SUMF1: variants seen among roughly 807,000 people sequenced by gnomAD.
SUMF1 encodes the protein sulfatase modifying factor 1.
A neutral mutation model predicts 47.6 loss-of-function variants in SUMF1; 48 were observed. The ratio of observed to expected loss-of-function variants is 1.01; its 90% CI spans 0.80 to 1.28. The LOEUF is 1.28. SUMF1 is among the 50% of genes most tolerant of loss of function. The pLI, the probability that SUMF1 is intolerant of heterozygous loss-of-function variation, is 0.00. For missense variants in SUMF1, 571 were observed against 485.4 expected (o/e 1.18, Z -1.66); for synonymous variants, 230 against 192.1 (o/e 1.20, Z -1.63).
rs751147092 is a variant in SUMF1 at position 4,173,552 on chromosome 3, T to A, written c.1015-104807A>T. Among the ~76,000 whole-genome samples the A allele has an allele frequency of 2.5e-4, 38 of 152,218 alleles. 1 individual carries two copies. The highest frequency in any genetic ancestry group is 5.0e-4 in the Non-Finnish European group (34 of 68,034). The stretch of plus-strand genomic sequence containing the variant: ...GGGTATACACCCAAAGGGTTATAAA[T>A]CATTCTGCTATAAAGACATATGCAT... On this transcript the variant is annotated intron_variant and NMD_transcript_variant, in intron 8 of 12. Transcript: ENST00000448413.
Position 4,362,259 on chromosome 3 carries a change from G to A in SUMF1, c.1015-5C>T, listed in dbSNP as rs772322962. 6 of 1,613,164 alleles carry A rather than the reference G, an allele frequency of 3.7e-6. No individual in the cohort carries two copies. The Admixed American group carries it at 8.3e-5, about 22-fold the overall frequency. ...GCGATACCTGTAACAATAAGACTGTGTAGAGAGAAAGAGCAAGGTAAGTGC... is the reference window on the plus strand; with the variant it reads ...GCGATACCTGTAACAATAAGACTGTATAGAGAGAAAGAGCAAGGTAAGTGC... On this transcript the variant is annotated splice_region_variant and splice_polypyrimidine_tract_variant and intron_variant, in intron 8 of 8. Transcript: ENST00000272902.
intron 8 of SUMF1, among the ~76,000 whole-genome samples, chr3:4,346,799 A>G (rs189451772): frequency 6.6e-6 from 1 of 152,320 alleles, no homozygotes; most frequent in African/African-American, 2.4e-5. Context: ...GCTAATAAAG[A>G]AGAAGAGAGA....
At chr3:4,225,080 A>G (rs1574995662) in intron 8 of SUMF1, among the ~76,000 whole-genome samples, 1 of 151,714 alleles carries the variant, frequency 6.6e-6, no homozygotes, top group Non-Finnish European at 1.5e-5. Flanking sequence ...AATTAATTAC[A>G]GTAGAAAGAC....
intron 8 of SUMF1, among the ~76,000 whole-genome samples, chr3:4,209,453 G>A (rs1310901847): frequency 6.6e-6 from 1 of 152,078 alleles, no homozygotes; most frequent in Non-Finnish European, 1.5e-5. Context: ...AAAGTTCGAT[G>A]AGAATACTTC....
intron 8 of SUMF1, among the ~76,000 whole-genome samples, chr3:4,210,566 A>G (rs1302343256): frequency 6.6e-6 from 1 of 152,186 alleles, no homozygotes; most frequent in African/African-American, 2.4e-5. Flanking sequence ...TTGGAAAACT[A>G]TATGGAGAAA....
intron 8 of SUMF1, among the ~76,000 whole-genome samples, chr3:4,300,329 ACTAC>A (rs1183130469): frequency 2.6e-5 from 4 of 152,284 alleles, no homozygotes; most frequent in African/African-American, 9.6e-5. Flanking sequence ...CCAGCACCAT[ACTAC>A]CTGTACAGCC....
At chr3:4,070,824 G>T (rs1262417072) in intron 8 of SUMF1, among the ~76,000 whole-genome samples, 1 of 151,816 alleles carries the variant, frequency 6.6e-6, no homozygotes, top group East Asian at 1.9e-4. Flanking sequence ...GTAGAGACGG[G>T]GTTTCACCAT....
chr3:4,115,665 A>C lies in SUMF1; in HGVS notation c.1015-46920T>G, dbSNP rs112306169. Among the ~76,000 whole-genome samples the C allele has an allele frequency of 1.3e-3, 200 of 152,016 alleles. 1 individual carries two copies. The highest frequency in any genetic ancestry group is 4.4e-3 in the African/African-American group (183 of 41,324). On this transcript the variant is annotated intron_variant and NMD_transcript_variant, in intron 8 of 12. Coordinates refer to the SUMF1 transcript ENST00000448413. Reference sequence around the variant, plus strand: ...AAGGGAACTTTCCCCATTTACCTGGACTAGCTGAGCAGACTGATTATTTAT... The same window carrying C: ...AAGGGAACTTTCCCCATTTACCTGGCCTAGCTGAGCAGACTGATTATTTAT...
intron 8 of SUMF1, among the ~76,000 whole-genome samples, chr3:4,172,710 G>A (rs1574949070): frequency 6.6e-6 from 1 of 151,722 alleles, no homozygotes; most frequent in Non-Finnish European, 1.5e-5. Context: ...TTGTTTTTTG[G>A]GGTTTTTTCT....
chr3:4,340,244 C>T (rs1443062427), intron 8 of SUMF1, among the ~76,000 whole-genome samples: 4 of 152,084 alleles, frequency 2.6e-5, no homozygotes, highest in East Asian at 1.9e-4. Flanking sequence ...CTGCTGAATC[C>T]GGGACCACAC....
At chr3:4,447,028 G>C (rs1222974300) in intron 3 of SUMF1, among the ~76,000 whole-genome samples, 1 of 152,146 alleles carries the variant, frequency 6.6e-6, no homozygotes, top group Non-Finnish European at 1.5e-5. Context: ...GAGGGGTGAT[G>C]ATTAGGATGT....
intron 8 of SUMF1, among the ~76,000 whole-genome samples, chr3:4,270,808 G>A (rs903065923): frequency 8.5e-5 from 13 of 152,252 alleles, no homozygotes; most frequent in African/African-American, 2.6e-4. Context: ...GAAGGGAATG[G>A]TTATTTGGTT....
At chr3:4,072,104 G>A (rs1695541375) in intron 8 of SUMF1, among the ~76,000 whole-genome samples, 1 of 152,092 alleles carries the variant, frequency 6.6e-6, no homozygotes, top group African/African-American at 2.4e-5. Context: ...GGATCAGGCA[G>A]CAATATTTGC....
chr3:4,104,666 TTC>T lies in SUMF1; in HGVS notation c.1015-35923_1015-35922del, dbSNP rs111963235. ...CTAGAGGATCCTAGTAAATCTCGAT[TTC>T]TCTCTCTCTCTCTCTCTCTCTCTTT... is the stretch of plus-strand genomic sequence containing the variant. On this transcript the variant is annotated intron_variant and NMD_transcript_variant, in intron 8 of 12. Coordinates refer to the SUMF1 transcript ENST00000448413. 5.4e-3 allele frequency among the ~76,000 whole-genome samples: 791 copies of T among 145,844 alleles called. 5 individuals carry two copies. Among genetic ancestry groups the T allele is most frequent in the Non-Finnish European group, 8.7e-3 (572 of 65,932 alleles).
intron 8 of SUMF1, among the ~76,000 whole-genome samples, chr3:4,158,558 C>T (rs893959911): frequency 1.3e-5 from 2 of 151,396 alleles, no homozygotes; most frequent in Admixed American, 6.6e-5. Context: ...AAGTCTCTAG[C>T]TATTGTTGTA....
At chr3:4,157,693 G>A (rs73012876) in intron 8 of SUMF1, among the ~76,000 whole-genome samples, 20,131 of 151,196 alleles carry the variant, frequency 0.13, 1,587 homozygotes, top group Middle Eastern at 0.19. Flanking sequence ...ATCTCTATAC[G>A]CTTCTTTATT....
chr3:4,185,025 A>G (rs1432817858), intron 8 of SUMF1, among the ~76,000 whole-genome samples: 1 of 152,118 alleles, frequency 6.6e-6, no homozygotes, highest in Non-Finnish European at 1.5e-5. Context: ...AAATCATCCT[A>G]TTTCCTATAC....
intron 8 of SUMF1, among the ~76,000 whole-genome samples, chr3:4,364,098 T>A (rs1300921922): frequency 7.4e-6 from 1 of 135,812 alleles, no homozygotes; most frequent in African/African-American, 2.6e-5. Context: ...TGGATAAGCT[T>A]TTTGATGTGC....
chr3:4,451,096 T>C (rs1177107294), intron 2 of SUMF1, among the ~76,000 whole-genome samples: 1 of 114,032 alleles, frequency 8.8e-6, no homozygotes, highest in Middle Eastern at 4.0e-3. Flanking sequence ...AATAAAAAAA[T>C]AAAATAAAAT....
Sources: gnomAD v4.1 joint callset for allele counts (sites outside exome capture counted in the v4.1 genomes callset) on GRCh38, gnomAD v4.1.1 for gene constraint, MANE v1.5 for transcripts, NCBI Gene and HGNC (gene_info 2026-07-23, HGNC 2026-07-21) for gene names.